PAIP1: variants seen among roughly 807,000 people sequenced by gnomAD.
PAIP1 encodes the protein polyadenylate-binding protein-interacting protein 1.
In PAIP1, 16 loss-of-function variants were observed where a neutral mutation model predicts 61.3. That is an observed-to-expected ratio of 0.26 (90% CI 0.18 to 0.40). The LOEUF is 0.40. Among genes scored for constraint, PAIP1 ranks in the 10% least tolerant of loss-of-function variants. PAIP1 has a pLI of 1.00. For synonymous variants in PAIP1, 187 were observed against 226.2 expected (o/e 0.83, Z 1.56); for missense variants, 416 against 600.9 (o/e 0.69, Z 3.22).
intron 7 of PAIP1, 50 bp downstream of exon 7, chr5:43,535,484 A>C (rs774745877): frequency 5.8e-6 from 6 of 1,042,342 alleles, no homozygotes; most frequent in Non-Finnish European, 9.0e-6. Flanking sequence ...CTCCAAAGAA[A>C]AAGCAAGAAA....
At chr5:43,550,836 A>AC (rs1747833185) in intron 2 of PAIP1, among the ~76,000 whole-genome samples, 2 of 78,518 alleles carry the variant, frequency 2.5e-5, no homozygotes, top group African/African-American at 6.4e-5. Flanking sequence ...GAAATATACT[A>AC]CAAAAAAAAA....
intron 9 of PAIP1, among the ~76,000 whole-genome samples, chr5:43,531,466 G>A (rs1181024969): frequency 7.2e-6 from 1 of 139,458 alleles, no homozygotes; most frequent in Non-Finnish European, 1.5e-5. Context: ...TGACCAACAT[G>A]GTGAAACCCT....
At chr5:43,538,513 TAG>T (rs1414537800) in intron 5 of PAIP1, among the ~76,000 whole-genome samples, 6 of 152,188 alleles carry the variant, frequency 3.9e-5, no homozygotes, top group African/African-American at 9.7e-5. Context: ...GTGAAAAGCC[TAG>T]AGAGACTCTA....
chr5:43,534,805 A>T, intron 8 of PAIP1, 48 bp downstream of exon 8: 1 of 1,000,440 alleles, frequency 1.0e-6, no homozygotes, highest in Non-Finnish European at 1.6e-6. Context: ...AATTTCCAAA[A>T]CGGAATTCAA....
intron 5 of PAIP1, 103 bp downstream of exon 5, chr5:43,538,821 C>A: frequency 1.5e-6 from 1 of 671,800 alleles, no homozygotes; most frequent in Non-Finnish European, 2.7e-6. Flanking sequence ...TCTTTCATTT[C>A]ACTCTTAATG....
At chr5:43,537,996 C>CAAAAAAAA (rs5867636) in intron 5 of PAIP1, among the ~76,000 whole-genome samples, 2 of 92,680 alleles carry the variant, frequency 2.2e-5, no homozygotes, top group Admixed American at 1.4e-4. Flanking sequence ...TGTCCCCACC[C>CAAAAAAAA]AAAAAAAAAA....
chr5:43,535,391 A>G (rs1747103192), intron 7 of PAIP1, 143 bp downstream of exon 7: 1 of 635,284 alleles, frequency 1.6e-6, no homozygotes, highest in African/African-American at 1.9e-5. Context: ...TAGGTAAAAT[A>G]TTATTCCTTT....
At chr5:43,552,140 C>T (rs950067667) in intron 2 of PAIP1, among the ~76,000 whole-genome samples, 7 of 151,926 alleles carry the variant, frequency 4.6e-5, no homozygotes, top group African/African-American at 9.7e-5. Context: ...ATTACAGAAC[C>T]GTGGGAATAA....
intron 3 of PAIP1, 24 bp from the exon 4 acceptor site, chr5:43,543,140 A>G (rs756917518): frequency 1.7e-6 from 2 of 1,175,966 alleles, no homozygotes; most frequent in East Asian, 2.3e-5. Context: ...GAAAAGTGTT[A>G]TATGACATAG....
At chr5:43,535,236 C>T (rs1247476675) in intron 7 of PAIP1, among the ~76,000 whole-genome samples, 1 of 152,100 alleles carries the variant, frequency 6.6e-6, no homozygotes. Context: ...TACAGTAGTA[C>T]TTTTATTTGT....
intron 2 of PAIP1, among the ~76,000 whole-genome samples, chr5:43,554,365 A>G (rs1276351871): frequency 6.6e-6 from 1 of 152,166 alleles, no homozygotes; most frequent in African/African-American, 2.4e-5. Context: ...TCTGTGAGCT[A>G]AATACAATTT....
intron 3 of PAIP1, among the ~76,000 whole-genome samples, chr5:43,546,478 A>G (rs1747638805): frequency 6.6e-6 from 1 of 152,224 alleles, no homozygotes; most frequent in Admixed American, 6.5e-5. Flanking sequence ...CTCAAAACTG[A>G]CAGTTGGCTA....
intron 2 of PAIP1, among the ~76,000 whole-genome samples, chr5:43,552,509 A>C (rs1402163658): frequency 1.3e-5 from 2 of 152,210 alleles, no homozygotes; most frequent in Admixed American, 6.5e-5. Context: ...TGGAAGAAAG[A>C]ACGTCACCAA....
In PAIP1 at chr5:43,533,794, T is replaced by C; in HGVS notation, c.1198-2A>G. ...AGATGTATAAAATGTTGGTTCATTC[T>C]AGGATGAATCAAAGTGATAAAAATA... On this transcript the variant is annotated splice_acceptor_variant, in intron 8 of 10. Coordinates refer to ENST00000306846, the MANE Select transcript of PAIP1 (RefSeq NM_006451.5). LOFTEE classifies it high-confidence loss of function. 6.5e-7 allele frequency: 1 copy of C among 1,529,480 alleles called. No homozygotes were observed. The highest frequency in any genetic ancestry group is 9.1e-7 in the Non-Finnish European group (1 of 1,102,858). The allele number at this position is 1,529,480 out of a possible 1,614,324, so 94.7% of individuals were successfully genotyped here.
At chr5:43,536,309 A>G (rs1175630382) in intron 6 of PAIP1, among the ~76,000 whole-genome samples, 1 of 152,202 alleles carries the variant, frequency 6.6e-6, no homozygotes, top group African/African-American at 2.4e-5. Context: ...GCACATATAT[A>G]TGACAAGAGG....
intron 2 of PAIP1, among the ~76,000 whole-genome samples, chr5:43,552,088 C>T (rs1312042872): frequency 6.6e-6 from 1 of 152,082 alleles, no homozygotes. Context: ...TGTACTTTTT[C>T]ATGGTAGGTA....
intron 1 of PAIP1, 181 bp from the exon 2 acceptor site, chr5:43,556,180 C>G (rs1218504536): frequency 5.0e-6 from 7 of 1,390,270 alleles, no homozygotes; most frequent in Non-Finnish European, 1.9e-6. Flanking sequence ...AATAGACTTG[C>G]TGTGACTCCG....
At chr5:43,553,667 T>C (rs902258741) in intron 2 of PAIP1, among the ~76,000 whole-genome samples, 3 of 152,196 alleles carry the variant, frequency 2.0e-5, no homozygotes, top group African/African-American at 4.8e-5. Context: ...AGAAAAACTC[T>C]CTTAGCCTTA....
intron 2 of PAIP1, among the ~76,000 whole-genome samples, chr5:43,548,299 A>C (rs1747726722): frequency 6.6e-6 from 1 of 152,202 alleles, no homozygotes; most frequent in South Asian, 2.1e-4. Context: ...GGGATATAAA[A>C]ACAAGAACGG....
Sources: allele counts gnomAD v4.1 joint callset (sites outside exome capture counted in the v4.1 genomes callset), GRCh38; gene constraint gnomAD v4.1.1; transcripts MANE v1.5; gene names NCBI Gene and HGNC (gene_info 2026-07-23, HGNC 2026-07-21).